PHTF2: variants seen among roughly 807,000 people sequenced by gnomAD.
PHTF2 encodes the protein protein PHTF2.
PHTF2 carries 60 observed loss-of-function variants against 101.2 expected under a neutral mutation model. The observed-to-expected ratio is 0.59, with a 90% CI of 0.48 to 0.73. The LOEUF (loss-of-function observed/expected upper bound fraction) is 0.73. PHTF2 is among the 30% of genes least tolerant of loss of function. The probability of loss-of-function intolerance (pLI) is 0.00; values close to 1 mark genes in which losing one functional copy is unlikely to be tolerated. For synonymous variants in PHTF2, 311 were observed against 307.3 expected, an observed-to-expected ratio of 1.01 and a Z score of -0.13; for missense variants, 747 against 908.7, an observed-to-expected ratio of 0.82 and a Z score of 2.29.
intron 3 of PHTF2, among the ~76,000 whole-genome samples, chr7:77,874,346 G>A (rs1432134579): frequency 6.6e-6 from 1 of 152,006 alleles, no homozygotes; most frequent in African/African-American, 2.4e-5. Flanking sequence ...ACCACTCCTG[G>A]TACCAAAATC....
At chr7:77,952,456 TG>T (rs940662250) in intron 18 of PHTF2, among the ~76,000 whole-genome samples, 3 of 152,102 alleles carry the variant, frequency 2.0e-5, no homozygotes, top group Non-Finnish European at 4.4e-5. Context: ...AAGAAGTGGG[TG>T]GGGGGATAAT....
In PHTF2 at chr7:77,908,291, T is replaced by C. The variant is rs563962636; in HGVS notation, c.446-502T>C. On this transcript the variant is annotated intron_variant, in intron 7 of 19. Transcript: ENST00000416283. ...GTAGGCAAAACAAGATTTCCCTTCA[T>C]GTAGTAATAGTTAGCATTGATGGAT... Among the ~76,000 whole-genome samples, 47 of 152,318 alleles carry C rather than the reference T, an allele frequency of 3.1e-4. 2 individuals carry two copies. In the South Asian group the frequency reaches 8.9e-3, roughly 29 times the overall value.
At chr7:77,889,484 T>G (rs985725633) in intron 3 of PHTF2, among the ~76,000 whole-genome samples, 3 of 152,116 alleles carry the variant, frequency 2.0e-5, no homozygotes, top group African/African-American at 4.8e-5. Context: ...ACACCTGCAT[T>G]TAGGTTAACC....
exon 10 of PHTF2, chr7:77,920,442 A>T (rs116706701): frequency 1.9e-6 from 3 of 1,613,190 alleles, no homozygotes; most frequent in Non-Finnish European, 2.5e-6. Context: ...GAACACAGGA[A>T]CACTGAGGAA....
intron 7 of PHTF2, among the ~76,000 whole-genome samples, 169 bp from the exon 7 acceptor site, chr7:77,908,624 C>A (rs118122312): frequency 9.0e-4 from 137 of 152,010 alleles, no homozygotes; most frequent in Non-Finnish European, 1.5e-3. Flanking sequence ...GGTTAGGCTG[C>A]GGCAGACAAT....
intron 1 of PHTF2, among the ~76,000 whole-genome samples, chr7:77,834,548 C>G (rs1293947562): frequency 2.0e-5 from 3 of 152,140 alleles, no homozygotes; most frequent in African/African-American, 4.8e-5. Context: ...CCTATACTCA[C>G]GTGTCTGTGC....
At chr7:77,896,041 A>T (rs1028884997) in intron 5 of PHTF2, 1 of 151,422 alleles carries the variant, frequency 6.6e-6, no homozygotes, top group East Asian at 1.9e-4. Flanking sequence ...TGTTCTCATT[A>T]TTTTTTTTTC....
At chr7:77,808,029 T>G (rs1287903027) in intron 1 of PHTF2, among the ~76,000 whole-genome samples, 1 of 152,194 alleles carries the variant, frequency 6.6e-6, no homozygotes, top group African/African-American at 2.4e-5. Flanking sequence ...TTCTAGGGTC[T>G]TTATTACATT....
At chr7:77,928,267 T>TA in intron 11 of PHTF2, among the ~76,000 whole-genome samples, 1 of 152,338 alleles carries the variant, frequency 6.6e-6, no homozygotes, top group Non-Finnish European at 1.5e-5. Flanking sequence ...TTAATTAATT[T>TA]AAATCAAAAT....
intron 13 of PHTF2, among the ~76,000 whole-genome samples, chr7:77,938,734 G>A (rs944531311): frequency 2.6e-5 from 4 of 152,196 alleles, no homozygotes; most frequent in Admixed American, 6.5e-5. Flanking sequence ...CCAAGATCAC[G>A]CCACTGCACT....
Position 77,923,322 on chromosome 7 carries a change from T to C in PHTF2, c.1119+544T>C, listed in dbSNP as rs982551646. The C allele has an allele frequency of 4.2e-6, 4 of 947,062 alleles. No individual in the cohort carries two copies. In the African/African-American group the frequency reaches 7.1e-5, roughly 17 times the overall value. The allele number at this position is 947,062 out of a possible 1,614,324, so 58.7% of individuals were successfully genotyped here. On this transcript the variant is annotated intron_variant, in intron 11 of 19. Transcript: ENST00000416283. ...TTCATTCAATTGTATTTTCAGTTTC[T>C]AATCTAAGGGTAGAACATTTGGCTT...
chr7:77,927,177 A>AAAAAAAAAAATATATATATAT (rs1554388762), intron 11 of PHTF2, among the ~76,000 whole-genome samples: 1 of 78,154 alleles, frequency 1.3e-5, no homozygotes, highest in Non-Finnish European at 2.4e-5. Flanking sequence ...AAAAAAAAAA[A>AAAAAAAAAAATATATATATAT]ATATATATAT....
At chr7:77,808,075 T>G (rs976270505) in intron 1 of PHTF2, among the ~76,000 whole-genome samples, 1 of 152,216 alleles carries the variant, frequency 6.6e-6, no homozygotes, top group Non-Finnish European at 1.5e-5. Context: ...CACACTGTTA[T>G]GATTACTGCT....
At chr7:77,938,012 A>G in intron 13 of PHTF2, 174 bp downstream of exon 12, 2 of 275,030 alleles carry the variant, frequency 7.3e-6, no homozygotes, top group Non-Finnish European at 1.4e-5. Flanking sequence ...TTTGTCACCA[A>G]ACCACTCTCA....
chr7:77,804,738 A>G (rs1170005038), intron 1 of PHTF2, among the ~76,000 whole-genome samples: 7 of 152,188 alleles, frequency 4.6e-5, no homozygotes, highest in African/African-American at 1.7e-4. Context: ...CTATCTACTA[A>G]TATCTATCTT....
chr7:77,930,979 A>G (rs1472306353), intron 12 of PHTF2, among the ~76,000 whole-genome samples: 1 of 152,224 alleles, frequency 6.6e-6, no homozygotes, highest in Non-Finnish European at 1.5e-5. Context: ...AAACATATAT[A>G]CCGATGGAAC....
intron 12 of PHTF2, 140 bp from the exon 12 acceptor site, chr7:77,937,567 CATG>C (rs1805251380): frequency 6.3e-6 from 2 of 318,218 alleles, no homozygotes; most frequent in South Asian, 9.9e-5. Context: ...ATTTATAAAA[CATG>C]ATAAATATAT....
At chr7:77,925,938 C>T (rs1803959006) in intron 11 of PHTF2, among the ~76,000 whole-genome samples, 1 of 151,942 alleles carries the variant, frequency 6.6e-6, no homozygotes, top group South Asian at 2.1e-4. Context: ...TGCCTGTAGT[C>T]CCAGCCACTT....
chr7:77,930,063 C>T (rs1414445156), intron 12 of PHTF2, among the ~76,000 whole-genome samples: 1 of 151,038 alleles, frequency 6.6e-6, no homozygotes, highest in East Asian at 2.0e-4. Context: ...CAGCGATTCT[C>T]CTGCCTCAGC....
Sources: gnomAD v4.1 joint callset for allele counts (sites outside exome capture counted in the v4.1 genomes callset) on GRCh38, gnomAD v4.1.1 for gene constraint, MANE v1.5 for transcripts, NCBI Gene and HGNC (gene_info 2026-07-23, HGNC 2026-07-21) for gene names.